Variants in NKAIN3 observed in about 807,000 individuals in gnomAD.
NKAIN3 encodes the protein sodium/potassium transporting ATPase interacting 3.
In NKAIN3, 25 loss-of-function variants were observed where a neutral mutation model predicts 30.2. That is an observed-to-expected ratio of 0.83 (90% CI 0.60 to 1.16). The LOEUF (loss-of-function observed/expected upper bound fraction) is 1.16. NKAIN3 is among the 50% of genes most tolerant of loss of function. The pLI, the probability that NKAIN3 is intolerant of heterozygous loss-of-function variation, is 0.00. For synonymous variants in NKAIN3, 91 were observed against 89.6 expected, an observed-to-expected ratio of 1.02 and a Z score of -0.09; for missense variants, 225 against 254.1, an observed-to-expected ratio of 0.89 and a Z score of 0.78.
chr8:62,904,573 C>A (rs1821720742), intron 4 of NKAIN3, among the ~76,000 whole-genome samples: 1 of 152,142 alleles, frequency 6.6e-6, no homozygotes, highest in African/African-American at 2.4e-5. Flanking sequence ...ACAAGCAGAG[C>A]TGGAGTTTAC....
At position 62,510,498 on chromosome 8, in the gene NKAIN3, G is replaced by A. The variant is rs546824772; in HGVS notation, c.55-69041G>A. Among the ~76,000 whole-genome samples, 34 of 152,186 alleles carry A rather than the reference G, an allele frequency of 2.2e-4. No homozygotes were observed. The South Asian group carries it at 2.7e-3, about 12-fold the overall frequency. On this transcript the variant is annotated intron_variant, in intron 1 of 6. Transcript: ENST00000623646. Reference sequence around the variant, plus strand: ...GTGCAGAAGCACATGTCCATCTCTAGGTCAATCGCTGGGAAGGTGATGGGT... The same window carrying A: ...GTGCAGAAGCACATGTCCATCTCTAAGTCAATCGCTGGGAAGGTGATGGGT...
At chr8:62,557,038 A>G (rs1245578716) in intron 1 of NKAIN3, among the ~76,000 whole-genome samples, 1 of 152,010 alleles carries the variant, frequency 6.6e-6, no homozygotes, top group Non-Finnish European at 1.5e-5. Context: ...TGCACCCATC[A>G]CCTGAGCAGT....
chr8:62,595,311 A>T (rs1053917280), intron 3 of NKAIN3, among the ~76,000 whole-genome samples: 4 of 151,576 alleles, frequency 2.6e-5, no homozygotes, highest in Non-Finnish European at 5.9e-5. Flanking sequence ...TAGCTGTAAA[A>T]TATGAGTATC....
rs200579093 is a variant in NKAIN3 at position 62,961,490 on chromosome 8, AAAG to A, written c.604-3849_604-3847del. 8.9e-3 allele frequency among the ~76,000 whole-genome samples: 1,351 copies of A among 152,270 alleles called. 8 individuals carry two copies. The highest frequency in any genetic ancestry group is 0.012 in the Non-Finnish European group (847 of 68,012). On this transcript the variant is annotated intron_variant, in intron 6 of 6. Transcript: ENST00000623646. The stretch of plus-strand genomic sequence containing the variant: ...GAGAAATAGTATAAAGCAAATAAAA[AAAG>A]AAGAAGAAGAAGAAAGGAAGGGAAA...
intron 1 of NKAIN3, among the ~76,000 whole-genome samples, chr8:62,514,178 A>G (rs1264963141): frequency 6.6e-6 from 1 of 152,140 alleles, no homozygotes; most frequent in Non-Finnish European, 1.5e-5. Flanking sequence ...TAAAGGCATT[A>G]TGTCTTCAAA....
intron 1 of NKAIN3, among the ~76,000 whole-genome samples, chr8:62,389,130 TGAATA>T: frequency 6.6e-6 from 1 of 152,290 alleles, no homozygotes; most frequent in Admixed American, 6.5e-5. Context: ...AAAGGCAGCC[TGAATA>T]GAACTTCATC....
intron 6 of NKAIN3, among the ~76,000 whole-genome samples, chr8:62,961,180 C>T (rs1823560236): frequency 6.6e-6 from 1 of 152,000 alleles, no homozygotes; most frequent in African/African-American, 2.4e-5. Flanking sequence ...ACTTGGAAGG[C>T]TGAGGCAGGA....
intron 4 of NKAIN3, among the ~76,000 whole-genome samples, chr8:62,810,966 C>T (rs745391618): frequency 2.6e-5 from 4 of 152,056 alleles, no homozygotes. Flanking sequence ...AGGATATTGA[C>T]GTTATTGCAG....
At chr8:62,383,636 C>G in intron 1 of NKAIN3, 1 of 417,114 alleles carries the variant, frequency 2.4e-6, no homozygotes. Flanking sequence ...CTAAAATTAT[C>G]AAACCATTCT....
At chr8:62,412,765 A>G (rs1247986581) in intron 1 of NKAIN3, among the ~76,000 whole-genome samples, 1 of 151,766 alleles carries the variant, frequency 6.6e-6, no homozygotes, top group African/African-American at 2.4e-5. Flanking sequence ...TACAAAAATT[A>G]GCCGAGCATA....
intron 4 of NKAIN3, among the ~76,000 whole-genome samples, chr8:62,853,703 T>C (rs1165598331): frequency 6.6e-6 from 1 of 152,184 alleles, no homozygotes; most frequent in Non-Finnish European, 1.5e-5. Context: ...TGTCTCTGTC[T>C]CCTTCAATTC....
At chr8:62,948,689 G>A (rs942495229) in intron 5 of NKAIN3, among the ~76,000 whole-genome samples, 4 of 152,094 alleles carry the variant, frequency 2.6e-5, no homozygotes, top group African/African-American at 9.7e-5. Context: ...TTTAAGATCA[G>A]ACATGAAAAA....
At chr8:62,652,098 C>T (rs79385212) in intron 3 of NKAIN3, among the ~76,000 whole-genome samples, 5,809 of 152,152 alleles carry the variant, frequency 0.038, 171 homozygotes, top group African/African-American at 0.082. Flanking sequence ...TAGAAGGTCA[C>T]TAAACCCATA....
At chr8:62,450,218 A>G (rs1563404082) in intron 1 of NKAIN3, among the ~76,000 whole-genome samples, 1 of 152,082 alleles carries the variant, frequency 6.6e-6, no homozygotes, top group Non-Finnish European at 1.5e-5. Context: ...GTAGCTAGTT[A>G]TTTTTTATTT....
intron 4 of NKAIN3, among the ~76,000 whole-genome samples, chr8:62,873,504 G>A (rs574214055): frequency 6.8e-6 from 1 of 147,418 alleles, no homozygotes; most frequent in Non-Finnish European, 1.5e-5. Flanking sequence ...GACGTCTGCA[G>A]AATTCTCTAC....
intron 3 of NKAIN3, among the ~76,000 whole-genome samples, chr8:62,739,460 T>C (rs796547143): frequency 7.2e-5 from 11 of 152,310 alleles, no homozygotes; most frequent in African/African-American, 1.9e-4. Context: ...GTTGCTCTGA[T>C]AGGGGCTCTT....
chr8:62,466,803 A>G (rs1244196707), intron 1 of NKAIN3, among the ~76,000 whole-genome samples: 1 of 152,118 alleles, frequency 6.6e-6, no homozygotes, highest in Non-Finnish European at 1.5e-5. Flanking sequence ...TAGTTCTAAC[A>G]TCTCTATTTC....
intron 1 of NKAIN3, among the ~76,000 whole-genome samples, chr8:62,380,928 T>C (rs1382142623): frequency 6.6e-6 from 1 of 152,126 alleles, no homozygotes; most frequent in Non-Finnish European, 1.5e-5. Flanking sequence ...GAGAAAATGG[T>C]AATGGATTTT....
chr8:62,785,787 A>G (rs767616067), intron 4 of NKAIN3, among the ~76,000 whole-genome samples: 1 of 152,110 alleles, frequency 6.6e-6, no homozygotes, highest in Non-Finnish European at 1.5e-5. Context: ...TCACTCCTCT[A>G]TTTTCTTTTT....
Sources: gnomAD v4.1 joint callset for allele counts (sites outside exome capture counted in the v4.1 genomes callset) on GRCh38, gnomAD v4.1.1 for gene constraint, MANE v1.5 for transcripts, NCBI Gene and HGNC (gene_info 2026-07-23, HGNC 2026-07-21) for gene names.